The following GABRG2 variants were observed in gnomAD, a reference collection of about 807,000 sequenced individuals.
The protein encoded by GABRG2 is gamma-aminobutyric acid receptor subunit gamma-2.
GABRG2 carries 16 observed loss-of-function variants against 56.4 expected under a neutral mutation model. That is an observed-to-expected ratio of 0.28 (90% CI 0.19 to 0.43). GABRG2 has a LOEUF of 0.43. Among genes scored for constraint, GABRG2 ranks in the 20% least tolerant of loss-of-function variants. The probability of loss-of-function intolerance (pLI) is 1.00; values close to 1 mark genes in which losing one functional copy is unlikely to be tolerated. For synonymous variants in GABRG2, 208 were observed against 205.5 expected (o/e 1.01, Z -0.10); for missense variants, 327 against 582.7 (o/e 0.56, Z 4.52).
chr5:162,080,960 T>G (rs1759613235), intron 1 of GABRG2, among the ~76,000 whole-genome samples: 1 of 152,150 alleles, frequency 6.6e-6, no homozygotes, highest in African/African-American at 2.4e-5. Flanking sequence ...TTGCATCTAA[T>G]AAATGGCAAA....
At chr5:162,143,308 C>A (rs1421608087) in intron 7 of GABRG2, among the ~76,000 whole-genome samples, 2 of 152,154 alleles carry the variant, frequency 1.3e-5, no homozygotes, top group Admixed American at 6.5e-5. Context: ...CTTTACAGAA[C>A]AGCGATGGAA....
chr5:162,136,473 G>C (rs1764133616), intron 6 of GABRG2, among the ~76,000 whole-genome samples: 1 of 152,014 alleles, frequency 6.6e-6, no homozygotes, highest in Non-Finnish European at 1.5e-5. Context: ...ATATGTGTGT[G>C]GGGTGGTGGT....
intron 6 of GABRG2, among the ~76,000 whole-genome samples, chr5:162,121,518 A>G (rs188048369): frequency 2.2e-4 from 33 of 152,150 alleles, no homozygotes; most frequent in African/African-American, 7.5e-4. Flanking sequence ...GTTAAAATGC[A>G]TTTTGAAACA....
chr5:162,134,810 C>T (rs749873056), intron 6 of GABRG2, among the ~76,000 whole-genome samples: 8 of 152,132 alleles, frequency 5.3e-5, no homozygotes, highest in Non-Finnish European at 8.8e-5. Flanking sequence ...GACCATCCCT[C>T]CTCAGCAGCC....
intron 6 of GABRG2, among the ~76,000 whole-genome samples, chr5:162,113,888 T>G (rs1762429151): frequency 1.3e-5 from 2 of 152,134 alleles, no homozygotes; most frequent in Non-Finnish European, 1.5e-5. Context: ...AAGAGTGAAG[T>G]AGAATTGGTA....
At chr5:162,121,146 C>A (rs778040626) in intron 6 of GABRG2, among the ~76,000 whole-genome samples, 1 of 152,088 alleles carries the variant, frequency 6.6e-6, no homozygotes, top group Non-Finnish European at 1.5e-5. Context: ...AGAGTAGATG[C>A]TCGTGAGTCA....
At chr5:162,121,567 C>G (rs1487140893) in intron 6 of GABRG2, among the ~76,000 whole-genome samples, 2 of 152,006 alleles carry the variant, frequency 1.3e-5, no homozygotes, top group African/African-American at 4.8e-5. Context: ...ATAAAAGACT[C>G]CTTTTCACCA....
intron 6 of GABRG2, among the ~76,000 whole-genome samples, chr5:162,108,916 G>T (rs1283289057): frequency 6.6e-6 from 1 of 152,058 alleles, no homozygotes; most frequent in South Asian, 2.1e-4. Flanking sequence ...CATTTGGGTT[G>T]GTTCCAAGTC....
chr5:162,149,626 T>G (rs747477449), intron 8 of GABRG2: 1 of 687,416 alleles, frequency 1.5e-6, no homozygotes, highest in Non-Finnish European at 2.7e-6. Context: ...GTTTCACTGA[T>G]TTTTTGAGAT....
At chr5:162,106,386 G>A (rs1377142503) in intron 6 of GABRG2, among the ~76,000 whole-genome samples, 2 of 152,030 alleles carry the variant, frequency 1.3e-5, no homozygotes, top group African/African-American at 2.4e-5. Flanking sequence ...CTATTTCAAC[G>A]GGCTCGGTGA....
At chr5:162,096,318 C>G (rs990782562) in intron 3 of GABRG2, among the ~76,000 whole-genome samples, 12 of 151,904 alleles carry the variant, frequency 7.9e-5, no homozygotes, top group Admixed American at 1.3e-4. Context: ...GAAATAAATT[C>G]TAAATATCTA....
chr5:162,142,111 G>C, intron 6 of GABRG2, 53 bp from the exon 7 acceptor site: 1 of 1,580,062 alleles, frequency 6.3e-7, no homozygotes, highest in Non-Finnish European at 8.7e-7. Context: ...TAGTTTTAAT[G>C]TTTTCCAGTG....
At chr5:162,145,979 A>G (rs189222170) in intron 7 of GABRG2, among the ~76,000 whole-genome samples, 110 of 151,352 alleles carry the variant, frequency 7.3e-4, no homozygotes, top group African/African-American at 2.3e-3. Context: ...AAAACTATCA[A>G]TACCTAATAT....
intron 1 of GABRG2, among the ~76,000 whole-genome samples, chr5:162,080,193 G>A (rs901343204): frequency 6.6e-6 from 1 of 152,112 alleles, no homozygotes; most frequent in Non-Finnish European, 1.5e-5. Flanking sequence ...GATGTCTGGG[G>A]GAAAGCAGAC....
intron 1 of GABRG2, among the ~76,000 whole-genome samples, chr5:162,074,235 A>T (rs548185155): frequency 6.6e-6 from 1 of 152,008 alleles, no homozygotes; most frequent in Non-Finnish European, 1.5e-5. Flanking sequence ...AGCACAAACT[A>T]TGGCAATAAT....
chr5:162,141,497 G>T (rs2113594590), intron 6 of GABRG2, among the ~76,000 whole-genome samples: 1 of 152,276 alleles, frequency 6.6e-6, no homozygotes, highest in African/African-American at 2.4e-5. Flanking sequence ...CTACTAGTTT[G>T]CAATGGTGAG....
intron 9 of GABRG2, chr5:162,152,398 T>C: frequency 2.3e-6 from 1 of 443,108 alleles, no homozygotes. Flanking sequence ...AAATATATCA[T>C]TTAGTTGCAT....
At chr5:162,069,541 G>A (rs1385051619) in intron 1 of GABRG2, among the ~76,000 whole-genome samples, 2 of 152,152 alleles carry the variant, frequency 1.3e-5, no homozygotes, top group African/African-American at 4.8e-5. Context: ...ATAGATTTAT[G>A]ATAAAGAGAC....
At chr5:162,106,085 C>A (rs572256835) in intron 6 of GABRG2, among the ~76,000 whole-genome samples, 1 of 152,050 alleles carries the variant, frequency 6.6e-6, no homozygotes, top group Non-Finnish European at 1.5e-5. Context: ...CCCAATGTCT[C>A]GTGTGGAGGA....
Sources: gnomAD v4.1 joint callset for allele counts (sites outside exome capture counted in the v4.1 genomes callset) on GRCh38, gnomAD v4.1.1 for gene constraint, MANE v1.5 for transcripts, NCBI Gene and HGNC (gene_info 2026-07-23, HGNC 2026-07-21) for gene names.